PPP1R21: variants seen among roughly 807,000 people sequenced by gnomAD.
PPP1R21 encodes protein phosphatase 1 regulatory subunit 21.
In PPP1R21, 85 loss-of-function variants were observed where a neutral mutation model predicts 112.8. The ratio of observed to expected loss-of-function variants is 0.75; its 90% CI spans 0.63 to 0.90. PPP1R21 has a LOEUF of 0.90. PPP1R21 is among the 40% of genes least tolerant of loss of function. PPP1R21 has a pLI of 0.00. For synonymous variants in PPP1R21, 381 were observed against 322.3 expected (o/e 1.18, Z -1.95); for missense variants, 1,199 against 901.5 (o/e 1.33, Z -4.23).
At chr2:48,473,582 G>T (rs1445489767) in intron 11 of PPP1R21, among the ~76,000 whole-genome samples, 1 of 152,124 alleles carries the variant, frequency 6.6e-6, no homozygotes, top group African/African-American at 2.4e-5. Flanking sequence ...TGGGGGCATT[G>T]GTTTAAATAC....
chr2:48,455,075 C>A lies in PPP1R21; in HGVS notation c.273+334C>A, dbSNP rs556884814. ...CTGGCCTTGAACTCCTGGACTCAAG[C>A]GATCCACCTGCCTCGGCCTCCCAAA... On this transcript the variant is annotated intron_variant, in intron 3 of 21. Coordinates refer to ENST00000294952, the MANE Select transcript of PPP1R21 (RefSeq NM_001135629.3). Among the ~76,000 whole-genome samples, 25 of 151,820 alleles carry A rather than the reference C, an allele frequency of 1.6e-4. No homozygotes were observed. The South Asian group carries it at 5.2e-3, about 32-fold the overall frequency.
intron 19 of PPP1R21, 79 bp downstream of exon 19, chr2:48,507,464 G>C: frequency 6.5e-7 from 1 of 1,539,898 alleles, no homozygotes; most frequent in Non-Finnish European, 8.6e-7. Context: ...TTTTCATGCT[G>C]TTCACTGTAA....
chr2:48,511,135 G>C (rs1370177635), intron 20 of PPP1R21, among the ~76,000 whole-genome samples: 2 of 152,032 alleles, frequency 1.3e-5, no homozygotes, highest in African/African-American at 4.8e-5. Context: ...ATCAAATCAG[G>C]GTCATTTGGA....
Position 48,479,906 on chromosome 2 carries a change from G to T in PPP1R21, c.1226-18G>T, listed in dbSNP as rs1387721666. On this transcript the variant is annotated intron_variant, in intron 12 of 21. Coordinates refer to ENST00000294952, the MANE Select transcript of PPP1R21 (RefSeq NM_001135629.3). The stretch of plus-strand genomic sequence containing the variant: ...ATTTTTCAGGAAAATGCTTAGATTT[G>T]TGATTTTGATTTCCTAGGTACAGAG... 6.6e-7 allele frequency: 1 copy of T among 1,506,958 alleles called. No individual in the cohort carries two copies. Among genetic ancestry groups the T allele is most frequent in the Non-Finnish European group, 9.2e-7 (1 of 1,082,736 alleles). The allele number at this position is 1,506,958 out of a possible 1,614,324, so 93.3% of individuals were successfully genotyped here. A position where few individuals can be genotyped will look rare whatever the true frequency, so the allele number is the denominator to read the frequency against.
At chr2:48,457,051 CA>C (rs550002926) in intron 3 of PPP1R21, among the ~76,000 whole-genome samples, 44 of 145,290 alleles carry the variant, frequency 3.0e-4, no homozygotes, top group African/African-American at 5.3e-4. Flanking sequence ...GACTCCCTCT[CA>C]AAAAAAAAAA....
At chr2:48,454,845 T>A in intron 3 of PPP1R21, 104 bp downstream of exon 3, 1 of 910,190 alleles carries the variant, frequency 1.1e-6, no homozygotes, top group Non-Finnish European at 1.7e-6. Flanking sequence ...ATTATTTTTT[T>A]CTTTGTTTGT....
chr2:48,514,691 T>G (rs373040213), intron 21 of PPP1R21, 24 bp from the exon 22 acceptor site: 10 of 1,501,840 alleles, frequency 6.7e-6, no homozygotes, highest in South Asian at 1.1e-5. Flanking sequence ...TATGTTCTTA[T>G]TGTTGATATT....
intron 15 of PPP1R21, among the ~76,000 whole-genome samples, chr2:48,493,519 C>T (rs1055993222): frequency 3.3e-5 from 5 of 152,090 alleles, no homozygotes; most frequent in African/African-American, 1.2e-4. Context: ...GAAACATTCA[C>T]GTGTATTTTC....
intron 16 of PPP1R21, among the ~76,000 whole-genome samples, chr2:48,496,577 C>T (rs1669847803): frequency 6.6e-6 from 1 of 151,612 alleles, no homozygotes; most frequent in African/African-American, 2.4e-5. Flanking sequence ...AAGCGATTGT[C>T]CTGCCTCAGC....
intron 12 of PPP1R21, among the ~76,000 whole-genome samples, chr2:48,475,158 T>C (rs1668694131): frequency 6.6e-6 from 1 of 151,200 alleles, no homozygotes; most frequent in East Asian, 2.0e-4. Flanking sequence ...TTCAAGACCA[T>C]CCTGGGCAGC....
In PPP1R21 at chr2:48,507,349, G is replaced by T; in HGVS notation, c.2049G>T (p.Gln683His). 1 of 1,596,390 alleles carries T rather than the reference G, an allele frequency of 6.3e-7. No individual in the cohort carries two copies. The change falls in exon 19 of 22, where the codon CAG (glutamine) becomes CAT (histidine). Residue 683 changes from glutamine to histidine, a missense_variant. Physicochemically the swap from Gln to His is conservative, Grantham distance 24. Transcript: ENST00000294952. ...TAGTGGAACTTACGTCTCAGTTGCA[G>T]CTGGCTGACAGTAAGTCAGTGCATT... The part of the protein sequence containing the change: ...ARIVELTSQL[Q>H]LADSKSVHFY...
rs549732767 is a variant in PPP1R21, at chr2:48,489,869, C to T, written c.1447-1149C>T. 5.3e-5 allele frequency among the ~76,000 whole-genome samples: 8 copies of T among 152,126 alleles called. No homozygotes were observed. The East Asian group carries it at 1.2e-3, about 22-fold the overall frequency. ...GACCAGCCTGGCCAACATGGTGAAA[C>T]CCCGTCTCTACTAAAAGTACAAAAA... On this transcript the variant is annotated intron_variant, in intron 14 of 21. Transcript: ENST00000294952.
intron 3 of PPP1R21, among the ~76,000 whole-genome samples, chr2:48,456,922 T>C (rs1572837210): frequency 1.3e-5 from 2 of 151,958 alleles, no homozygotes; most frequent in East Asian, 3.9e-4. Context: ...CATGGTGGTA[T>C]GTGCCTGTAA....
At chr2:48,477,373 G>A (rs898742292) in intron 12 of PPP1R21, among the ~76,000 whole-genome samples, 5 of 151,942 alleles carry the variant, frequency 3.3e-5, no homozygotes, top group Admixed American at 2.6e-4. Flanking sequence ...TGCCCATCTC[G>A]GCCTCCCAAA....
intron 11 of PPP1R21, among the ~76,000 whole-genome samples, chr2:48,473,315 A>G (rs1668607563): frequency 6.6e-6 from 1 of 151,818 alleles, no homozygotes; most frequent in African/African-American, 2.4e-5. Context: ...TTGAAAATCG[A>G]CTCTAGAGGT....
At chr2:48,507,451 C>G in intron 19 of PPP1R21, 66 bp downstream of exon 19, 1 of 1,559,012 alleles carries the variant, frequency 6.4e-7, no homozygotes, top group Non-Finnish European at 8.6e-7. Context: ...GGACACTGTC[C>G]TGTTTTCATG....
chr2:48,474,321 TAC>T (rs1668650160), intron 11 of PPP1R21, among the ~76,000 whole-genome samples: 1 of 152,140 alleles, frequency 6.6e-6, no homozygotes, highest in Non-Finnish European at 1.5e-5. Context: ...ATGCGGAGGT[TAC>T]AGTGAGCCGA....
chr2:48,504,145 T>C (rs1171016687), intron 17 of PPP1R21, among the ~76,000 whole-genome samples: 1 of 152,144 alleles, frequency 6.6e-6, no homozygotes, highest in East Asian at 1.9e-4. Context: ...GATTGGAGTA[T>C]TATTCCAAGC....
At chr2:48,454,969 C>A (rs1279662179) in intron 3 of PPP1R21, among the ~76,000 whole-genome samples, 5 of 152,060 alleles carry the variant, frequency 3.3e-5, no homozygotes, top group Non-Finnish European at 7.4e-5. Flanking sequence ...CCCAGAGTGG[C>A]TGGAAGTATA....
Sources: allele counts gnomAD v4.1 joint callset (sites outside exome capture counted in the v4.1 genomes callset), GRCh38; gene constraint gnomAD v4.1.1; transcripts MANE v1.5; gene names NCBI Gene and HGNC (gene_info 2026-07-23, HGNC 2026-07-21).